The following NNT variants were observed in gnomAD, a reference collection of about 807,000 sequenced individuals.
NNT encodes NAD(P) transhydrogenase, mitochondrial.
A neutral mutation model predicts 104.8 loss-of-function variants in NNT; 50 were observed. The observed-to-expected ratio is 0.48, with a 90% CI of 0.38 to 0.60. The LOEUF is 0.60. NNT is among the 20% of genes least tolerant of loss of function. The pLI is 0.00. For synonymous variants in NNT, 461 were observed against 490.4 expected (o/e 0.94, Z 0.79); for missense variants, 1,131 against 1,330.7 (o/e 0.85, Z 2.33).
At chr5:43,690,332 AGTTT>A (rs1203516716) in intron 19 of NNT, among the ~76,000 whole-genome samples, 1 of 152,010 alleles carries the variant, frequency 6.6e-6, no homozygotes, top group Non-Finnish European at 1.5e-5. Context: ...AATTTGTGGT[AGTTT>A]GTTACAGCAG....
chr5:43,618,967 A>C, intron 4 of NNT, 65 bp from the exon 5 acceptor site: 1 of 918,494 alleles, frequency 1.1e-6, no homozygotes, highest in Non-Finnish European at 1.5e-6. Flanking sequence ...ACTTATGATG[A>C]TATGTGAGTC....
chr5:43,618,533 C>T (rs1749905293), intron 4 of NNT, among the ~76,000 whole-genome samples: 4 of 152,110 alleles, frequency 2.6e-5, no homozygotes, highest in Admixed American at 1.3e-4. Context: ...TAAGCACTAC[C>T]CAGTCATCAA....
chr5:43,656,297 T>C (rs1740041572), intron 15 of NNT, among the ~76,000 whole-genome samples: 1 of 152,036 alleles, frequency 6.6e-6, no homozygotes, highest in African/African-American at 2.4e-5. Flanking sequence ...AAATAAAATA[T>C]TACTACTAAT....
In NNT at chr5:43,659,301, G is replaced by T; in HGVS notation, c.2585G>T (p.Gly862Val). Residue 862 changes from glycine (G) to valine (V), a missense_variant, in exon 17 of 22, where the codon GGT becomes GTT. Physicochemically the swap from Gly to Val is moderately radical, Grantham distance 109. Transcript: ENST00000344920. Reference protein sequence around the residue: ...LLNNNLLTIVGALIGSSGAIL... With the variant: ...LLNNNLLTIVVALIGSSGAIL... Reference sequence around the variant, plus strand: ...AACAACAATCTGCTGACCATCGTGGGTGCACTCATAGGCTCGTCTGGTGCT... The same window carrying T: ...AACAACAATCTGCTGACCATCGTGGTTGCACTCATAGGCTCGTCTGGTGCT... 6.2e-7 allele frequency: 1 copy of T among 1,613,924 alleles called. No homozygotes were observed. Among genetic ancestry groups the T allele is most frequent in the Non-Finnish European group, 8.5e-7 (1 of 1,179,990 alleles).
intron 17 of NNT, among the ~76,000 whole-genome samples, chr5:43,660,541 T>TTCTCACTCATAGG (rs1740299531): frequency 6.6e-6 from 1 of 152,218 alleles, no homozygotes; most frequent in Non-Finnish European, 1.5e-5. Flanking sequence ...GGGATCTGTA[T>TTCTCACTCATAGG]TAGTCCATTC....
intron 13 of NNT, among the ~76,000 whole-genome samples, chr5:43,652,361 A>G (rs532881352): frequency 6.6e-6 from 1 of 152,342 alleles, no homozygotes; most frequent in Admixed American, 6.5e-5. Context: ...TTTAAACTTA[A>G]TGTTGTATAG....
At chr5:43,609,386 G>A (rs1206109268) in intron 2 of NNT, 40 bp downstream of exon 2, 1 of 1,602,854 alleles carries the variant, frequency 6.2e-7, no homozygotes, top group Non-Finnish European at 8.5e-7. Flanking sequence ...AAACCTTCAA[G>A]TCATAGGAAC....
At chr5:43,669,391 C>A (rs1439632754) in intron 17 of NNT, among the ~76,000 whole-genome samples, 1 of 152,140 alleles carries the variant, frequency 6.6e-6, no homozygotes, top group Non-Finnish European at 1.5e-5. Flanking sequence ...AGTTTTTGCC[C>A]ATTCAGTATA....
intron 17 of NNT, among the ~76,000 whole-genome samples, chr5:43,664,197 C>T (rs926382524): frequency 2.6e-5 from 4 of 152,168 alleles, no homozygotes; most frequent in Non-Finnish European, 5.9e-5. Flanking sequence ...ACAACCAATT[C>T]AAATGAATGA....
At chr5:43,610,782 A>G (rs566320802) in intron 2 of NNT, among the ~76,000 whole-genome samples, 8 of 152,318 alleles carry the variant, frequency 5.3e-5, no homozygotes, top group Admixed American at 3.3e-4. Context: ...TGGTGATAAA[A>G]TTGTGTATAA....
intron 14 of NNT, among the ~76,000 whole-genome samples, chr5:43,655,260 G>A (rs1348276062): frequency 6.6e-6 from 1 of 152,238 alleles, no homozygotes. Context: ...GTGACGGGAA[G>A]AGGCACGCAT....
intron 17 of NNT, among the ~76,000 whole-genome samples, chr5:43,669,152 G>A (rs1740894005): frequency 1.3e-5 from 2 of 152,130 alleles, no homozygotes; most frequent in South Asian, 4.1e-4. Flanking sequence ...CTTTGCTGAA[G>A]TTGCTTATCA....
At chr5:43,688,056 A>C (rs1742074449) in intron 19 of NNT, among the ~76,000 whole-genome samples, 1 of 152,230 alleles carries the variant, frequency 6.6e-6, no homozygotes, top group African/African-American at 2.4e-5. Context: ...TAGTTCACTG[A>C]ATTTCAGGAC....
At chr5:43,689,999 TC>T (rs1742181344) in intron 19 of NNT, among the ~76,000 whole-genome samples, 1 of 151,920 alleles carries the variant, frequency 6.6e-6, no homozygotes. Context: ...GAACAAAGCC[TC>T]CAAGAAGTTT....
At chr5:43,656,388 T>C (rs1447290437) in intron 15 of NNT, among the ~76,000 whole-genome samples, 1 of 152,108 alleles carries the variant, frequency 6.6e-6, no homozygotes, top group Non-Finnish European at 1.5e-5. Flanking sequence ...TTGTAAGAGT[T>C]TTTTTCCCCT....
chr5:43,663,854 A>G (rs978418495), intron 17 of NNT, among the ~76,000 whole-genome samples: 20 of 152,216 alleles, frequency 1.3e-4, no homozygotes, highest in African/African-American at 4.8e-4. Flanking sequence ...CATTCACACA[A>G]ATTGGTTTGT....
intron 20 of NNT, among the ~76,000 whole-genome samples, chr5:43,700,478 C>A (rs1169140659): frequency 2.0e-5 from 3 of 152,080 alleles, no homozygotes; most frequent in African/African-American, 7.2e-5. Context: ...ATGGTGAAAA[C>A]CTTGGTGTGT....
chr5:43,704,672 C>G lies in NNT; in HGVS notation c.*268C>G, dbSNP rs1380005595. 2.9e-6 allele frequency: 1 copy of G among 341,490 alleles called. No homozygotes were observed. The highest frequency in any genetic ancestry group is 5.4e-6 in the Non-Finnish European group (1 of 186,886). 21.2% of individuals were successfully genotyped at this position (341,490 alleles called of 1,614,324 possible). On this transcript the variant is annotated 3_prime_UTR_variant, in exon 22 of 22. Coordinates refer to ENST00000344920, the MANE Select transcript of NNT (RefSeq NM_182977.3). The stretch of plus-strand genomic sequence containing the variant: ...AAGTATTTTATAAAAGGAGAAAGAA[C>G]AGCCTCATTTTAGATGTAGTCCTGT...
intron 17 of NNT, among the ~76,000 whole-genome samples, chr5:43,666,614 G>C (rs35141665): frequency 5.9e-5 from 9 of 151,676 alleles, no homozygotes; most frequent in African/African-American, 2.2e-4. Context: ...GGGAGAGAAG[G>C]AGAGGGAGAG....
Sources: allele counts gnomAD v4.1 joint callset (sites outside exome capture counted in the v4.1 genomes callset), GRCh38; gene constraint gnomAD v4.1.1; transcripts MANE v1.5; gene names NCBI Gene and HGNC (gene_info 2026-07-23, HGNC 2026-07-21).